The following SFI1 variants were observed in gnomAD, a reference collection of about 807,000 sequenced individuals.
SFI1 encodes the protein SFI1 centrin binding protein.
SFI1 carries 195 observed loss-of-function variants against 207.5 expected under a neutral mutation model. That is an observed-to-expected ratio of 0.94 (90% CI 0.84 to 1.06). SFI1 has a LOEUF of 1.06. Among genes scored for constraint, SFI1 ranks in the 50% least tolerant of loss-of-function variants. The pLI is 0.00. For synonymous variants in SFI1, 630 were observed against 598.9 expected (o/e 1.05, Z -0.76); for missense variants, 1,634 against 1,588.0 (o/e 1.03, Z -0.49).
chr22:31,526,784 A>G (rs147178782), intron 2 of SFI1, among the ~76,000 whole-genome samples: 1,755 of 152,222 alleles, frequency 0.012, 34 homozygotes, highest in African/African-American at 0.04. Context: ...GCTGGTCTCA[A>G]ATTCCTAACC....
At chr22:31,529,980 C>A (rs1309186714) in intron 3 of SFI1, among the ~76,000 whole-genome samples, 1 of 150,142 alleles carries the variant, frequency 6.7e-6, no homozygotes, top group African/African-American at 2.5e-5. Flanking sequence ...ACCATCCTGG[C>A]TAACACAGTG....
intron 1 of SFI1, among the ~76,000 whole-genome samples, chr22:31,501,915 A>G (rs1274632458): frequency 1.3e-5 from 2 of 152,086 alleles, no homozygotes; most frequent in African/African-American, 2.4e-5. Flanking sequence ...CGATAAGCAC[A>G]TTAGCTTCAT....
rs2065605010 is a variant in SFI1, at chr22:31,589,877, A to G, written c.1544+300A>G. Among the ~76,000 whole-genome samples, 3 of 152,052 alleles carry G rather than the reference A, an allele frequency of 2.0e-5. 1 individual carries two copies. The South Asian group carries it at 6.2e-4, about 32-fold the overall frequency. On this transcript the variant is annotated intron_variant, in intron 15 of 32. Transcript: ENST00000400288. ...CAGCCAGTGGCTTAGTCAAGTTAAC[A>G]TATACATGAAGAGACTTATTATGAG...
intron 31 of SFI1, 115 bp downstream of exon 31, chr22:31,617,193 C>T (rs574975917): frequency 2.9e-5 from 32 of 1,111,594 alleles, no homozygotes; most frequent in Middle Eastern, 2.9e-4. Flanking sequence ...TAGGTGGTCT[C>T]GGTCTAGCCA....
At chr22:31,533,071 A>G (rs1013879244) in intron 4 of SFI1, among the ~76,000 whole-genome samples, 3 of 152,202 alleles carry the variant, frequency 2.0e-5, no homozygotes, top group African/African-American at 7.2e-5. Flanking sequence ...TCAGGCATCA[A>G]AAGTCCCTCT....
intron 2 of SFI1, among the ~76,000 whole-genome samples, chr22:31,525,465 C>T (rs2077375182): frequency 6.6e-6 from 1 of 152,126 alleles, no homozygotes. Context: ...CGATGGGTCA[C>T]ACCTGTAGTC....
In SFI1 at chr22:31,587,240, T is replaced by C. The variant is rs2065136069; in HGVS notation, c.1413+2106T>C. 3.2e-5 allele frequency: 8 copies of C among 251,728 alleles called. No individual in the cohort carries two copies. In the South Asian group the frequency reaches 3.3e-4, roughly 10 times the overall value. The allele number at this position is 251,728 out of a possible 1,614,324, so 15.6% of individuals were successfully genotyped here. On this transcript the variant is annotated intron_variant, in intron 14 of 32. Transcript: ENST00000400288. Reference sequence around the variant, plus strand: ...CATAGCATTGACATTGTATTGGGTATTATGAGTAATCTAGAGATGCATACA... The same window carrying C: ...CATAGCATTGACATTGTATTGGGTACTATGAGTAATCTAGAGATGCATACA...
chr22:31,511,180 G>A (rs1250474868), intron 2 of SFI1, among the ~76,000 whole-genome samples: 1 of 151,988 alleles, frequency 6.6e-6, no homozygotes, highest in African/African-American at 2.4e-5. Flanking sequence ...TTTCATCGTG[G>A]GAGAATGAAT....
At chr22:31,569,869 G>A (rs1241739283) in intron 8 of SFI1, among the ~76,000 whole-genome samples, 4 of 151,530 alleles carry the variant, frequency 2.6e-5, no homozygotes, top group African/African-American at 9.7e-5. Flanking sequence ...GATCACCTGA[G>A]TCCGGGAAAT....
chr22:31,500,277 CAAA>C (rs150915256), intron 1 of SFI1, among the ~76,000 whole-genome samples: 56 of 98,398 alleles, frequency 5.7e-4, no homozygotes, highest in African/African-American at 7.7e-4. Context: ...GACTCTGTCT[CAAA>C]AAAAAAAAAA....
chr22:31,581,120 A>G (rs1249614392), intron 12 of SFI1, among the ~76,000 whole-genome samples: 2 of 151,984 alleles, frequency 1.3e-5, no homozygotes, highest in African/African-American at 4.8e-5. Context: ...AGTTGGGACT[A>G]CAGCTGTAAG....
chr22:31,502,128 C>T (rs1421623147), intron 1 of SFI1, among the ~76,000 whole-genome samples: 1 of 152,136 alleles, frequency 6.6e-6, no homozygotes, highest in African/African-American at 2.4e-5. Flanking sequence ...ATATGTATAG[C>T]TCACATTTAT....
At chr22:31,535,562 G>C (rs1359197846) in intron 4 of SFI1, among the ~76,000 whole-genome samples, 1 of 151,522 alleles carries the variant, frequency 6.6e-6, no homozygotes, top group Non-Finnish European at 1.5e-5. Context: ...GGAGTGCAGT[G>C]GCGCGATCTT....
Position 31,618,097 on chromosome 22 carries a change from G to T in SFI1, c.3513-18G>T. On this transcript the variant is annotated intron_variant, in intron 31 of 32. Transcript: ENST00000400288. ...CAAGGACCCAGCCTGGCAGGCAGTG[G>T]GTATCTCCACCCCTCAGGTCCTGTC... The T allele has an allele frequency of 6.4e-7, 1 of 1,556,212 alleles. No homozygotes were observed. The highest frequency in any genetic ancestry group is 2.4e-5 in the East Asian group (1 of 42,424).
At chr22:31,600,397 G>A (rs1431701298) in intron 15 of SFI1, among the ~76,000 whole-genome samples, 1 of 152,162 alleles carries the variant, frequency 6.6e-6, no homozygotes, top group African/African-American at 2.4e-5. Context: ...GGGGTTGAAC[G>A]ATCTCAGCTT....
chr22:31,611,264 C>G lies in SFI1; in HGVS notation c.2376C>G (p.Ala792=). 6.2e-7 allele frequency: 1 copy of G among 1,612,240 alleles called. No homozygotes were observed. Among genetic ancestry groups the G allele is most frequent in the Non-Finnish European group, 8.5e-7 (1 of 1,179,076 alleles). The change falls in exon 23 of 33, where the codon GCC becomes GCG. Residue 792 remains alanine (A), a synonymous_variant. Transcript: ENST00000400288. ...HHRQLLLEGL[A]RWKTHHLQCV... ...GGCAGCTGCTGCTGGAGGGGCTGGC[C>G]CGGTGGAAGACGCACCATCTGCAGT...
intron 12 of SFI1, among the ~76,000 whole-genome samples, chr22:31,581,555 G>T (rs1291959067): frequency 1.3e-5 from 2 of 152,118 alleles, no homozygotes; most frequent in African/African-American, 2.4e-5. Context: ...GCCTCCTAAA[G>T]TGCTGGGATT....
chr22:31,580,542 C>CTTTTTTTTTTTTTT (rs11347645), intron 12 of SFI1, among the ~76,000 whole-genome samples, 178 bp downstream of exon 12: 62 of 117,248 alleles, frequency 5.3e-4, no homozygotes, highest in Non-Finnish European at 7.5e-4. Flanking sequence ...CTTTTCTTTT[C>CTTTTTTTTTTTTTT]TTTTTTTTTT....
Position 31,550,200 on chromosome 22 carries a change from C to T in SFI1, c.450-54C>T, listed in dbSNP as rs769366123. 4.9e-5 allele frequency: 72 copies of T among 1,460,886 alleles called. 1 individual carries two copies. The highest frequency in any genetic ancestry group is 2.1e-4 in the Admixed American group (12 of 58,240). 90.5% of individuals were successfully genotyped at this position (1,460,886 alleles called of 1,614,324 possible). ...TGCTAGGGTTACAGGTGTGAGCCAC[C>T]GCGCCCGGCCTGTTATTTTGAAGAA... is the stretch of plus-strand genomic sequence containing the variant. On this transcript the variant is annotated intron_variant, in intron 5 of 32. Transcript: ENST00000400288.
Sources: gnomAD v4.1 joint callset for allele counts (sites outside exome capture counted in the v4.1 genomes callset) on GRCh38, gnomAD v4.1.1 for gene constraint, MANE v1.5 for transcripts, NCBI Gene and HGNC (gene_info 2026-07-23, HGNC 2026-07-21) for gene names.